The following GSG1 variants were observed in gnomAD, a reference collection of about 807,000 sequenced individuals.
GSG1 encodes the protein germ cell-specific gene 1 protein.
Under a neutral mutation model 30.8 loss-of-function variants are expected in GSG1, and 28 were observed. The ratio of observed to expected loss-of-function variants is 0.91; its 90% CI spans 0.67 to 1.25. The LOEUF is 1.25. Among genes scored for constraint, GSG1 ranks in the 50% most tolerant of loss-of-function variants. The pLI is 0.00. For synonymous variants in GSG1, 162 were observed against 178.0 expected, an observed-to-expected ratio of 0.91 and a Z score of 0.71; for missense variants, 435 against 444.7, an observed-to-expected ratio of 0.98 and a Z score of 0.20.
At chr12:13,087,125 A>C (rs1164724580) in intron 6 of GSG1, 27 bp downstream of exon 6, 2 of 1,506,314 alleles carry the variant, frequency 1.3e-6, no homozygotes, top group East Asian at 4.5e-5. Context: ...CTGGGGCTAC[A>C]AAGGTTCAGG....
rs951001300 is a variant in GSG1, at chr12:13,093,821, T to G, written c.49-3003A>C. Among the ~76,000 whole-genome samples, 1 of 152,216 alleles carries G rather than the reference T, an allele frequency of 6.6e-6. No individual in the cohort carries two copies. Among genetic ancestry groups the G allele is most frequent in the Non-Finnish European group, 1.5e-5 (1 of 68,038 alleles). On this transcript the variant is annotated intron_variant, in intron 1 of 6. Coordinates refer to ENST00000651961, the MANE Select transcript of GSG1 (RefSeq NM_001080555.4). The surrounding 1 kb of genome is among the most constrained non-coding windows in gnomAD (Gnocchi z 4.6). Reference sequence around the variant, plus strand: ...CTCTGGCAGGAGCCCCTACTCTCCATGTCATTTTCAGCCTAAGAGAAGAGG... The same window carrying G: ...CTCTGGCAGGAGCCCCTACTCTCCAGGTCATTTTCAGCCTAAGAGAAGAGG...
In GSG1 at chr12:13,098,456, A is replaced by ATTTTTTTTTTTT. The variant is rs771887535; in HGVS notation, c.48+4997_48+5008dup. ...CTTGTAGGATTGTTTCATGTAGCCC[A>ATTTTTTTTTTTT]TTTTTTTTTTTTTTTTTTTTTTTTT... On this transcript the variant is annotated intron_variant, in intron 1 of 6. Transcript: ENST00000651961. Among the ~76,000 whole-genome samples, 13 of 47,402 alleles carry ATTTTTTTTTTTT rather than the reference A, an allele frequency of 2.7e-4. 1 individual carries two copies. The highest frequency in any genetic ancestry group is 4.6e-4 in the Non-Finnish European group (12 of 26,096). The allele number at this position is 47,402 out of a possible 152,430, so 31.1% of individuals were successfully genotyped here.
intron 1 of GSG1, among the ~76,000 whole-genome samples, chr12:13,094,884 G>C (rs948844545): frequency 6.6e-6 from 1 of 151,938 alleles, no homozygotes; most frequent in Non-Finnish European, 1.5e-5. Flanking sequence ...ATATATATTT[G>C]CAAGTTATTC....
Position 13,103,476 on chromosome 12 carries a change from G to A in GSG1, c.37C>T (p.Leu13Phe). Residue 13 changes from leucine (L) to phenylalanine (F), a missense_variant, in exon 1 of 7, where the codon CTC (leucine) becomes TTC (phenylalanine). Leu to Phe is a conservative substitution (Grantham distance 22). Transcript: ENST00000651961. ...DPSQLTQNVC[L>F]TQEMELSKAF... ...ATCACTGTACCTACCTCCTGGGTGA[G>A]GCAAACATTTTGAGTCAGTTGAGAG... 1 of 1,613,610 alleles carries A rather than the reference G, an allele frequency of 6.2e-7. No homozygotes were observed. The highest frequency in any genetic ancestry group is 8.5e-7 in the Non-Finnish European group (1 of 1,179,562).
intron 1 of GSG1, among the ~76,000 whole-genome samples, chr12:13,102,104 C>T (rs1243251540): frequency 1.3e-5 from 2 of 152,142 alleles, no homozygotes; most frequent in African/African-American, 2.4e-5. Flanking sequence ...CTGAAAGGGA[C>T]GTGGCATCCC....
intron 1 of GSG1, among the ~76,000 whole-genome samples, 189 bp from the exon 2 acceptor site, chr12:13,091,007 T>G (rs1005975185): frequency 6.6e-6 from 1 of 152,184 alleles, no homozygotes; most frequent in African/African-American, 2.4e-5. Context: ...AGGAGTGGTC[T>G]GCAGCAAGCA....
chr12:13,089,014 C>A, intron 3 of GSG1, 105 bp from the exon 4 acceptor site: 1 of 1,425,290 alleles, frequency 7.0e-7, no homozygotes. Flanking sequence ...TCTGACAGCA[C>A]CTGCCCCGCA....
At chr12:13,095,792 G>T (rs374135710) in intron 1 of GSG1, 11 of 1,495,806 alleles carry the variant, frequency 7.4e-6, no homozygotes, top group Middle Eastern at 2.4e-4. Context: ...CAGGGAACAC[G>T]GGCATTTAAT....
At chr12:13,100,343 T>C (rs779859097) in intron 1 of GSG1, among the ~76,000 whole-genome samples, 4 of 152,240 alleles carry the variant, frequency 2.6e-5, no homozygotes, top group African/African-American at 4.8e-5. Flanking sequence ...AGGCACACCC[T>C]AAGCCTTTCC....
In GSG1 at chr12:13,087,190, G is replaced by C. The variant is rs1175599635; in HGVS notation, c.708C>G (p.Asp236Glu). Residue 236 changes from aspartate to glutamate, a missense_variant, in exon 6 of 7, where the codon GAC (aspartate) becomes GAG (glutamate). Asp to Glu is a conservative substitution (Grantham distance 45, BLOSUM62 2). Transcript: ENST00000651961. The stretch of plus-strand genomic sequence containing the variant: ...CATAATTCCAAACATGTGGTCTCCA[G>C]TCTTCTGGACCCAAGTTGACAGTCG... ...FQATVNLGPE[D>E]WRPHVWNYGW... The C allele has an allele frequency of 4.3e-6, 7 of 1,614,056 alleles. No homozygotes were observed. In the South Asian group the frequency reaches 7.7e-5, roughly 18 times the overall value.
chr12:13,084,487 G>A lies in GSG1; in HGVS notation c.*414C>T, dbSNP rs546377441. On this transcript the variant is annotated 3_prime_UTR_variant, in exon 7 of 7. Transcript: ENST00000651961. ...CCATCTGTGACTTCCAGAACAATTC[G>A]CGCGTACCATGGAAAGTTGAGCCAC... The A allele has an allele frequency of 3.6e-5, 6 of 165,748 alleles. No homozygotes were observed. The highest frequency in any genetic ancestry group is 1.6e-4 in the South Asian group (1 of 6,228). The allele number at this position is 165,748 out of a possible 1,614,324, so 10.3% of individuals were successfully genotyped here. A position where few individuals can be genotyped will look rare whatever the true frequency, so the allele number is the denominator to read the frequency against.
intron 2 of GSG1, 196 bp from the exon 3 acceptor site, chr12:13,089,472 G>A (rs1010773666): frequency 6.6e-6 from 5 of 759,872 alleles, no homozygotes; most frequent in Non-Finnish European, 1.0e-5. Context: ...GGGAAGAGGA[G>A]GTGTCTTCAG....
chr12:13,087,123 A>T, intron 6 of GSG1, 29 bp downstream of exon 6: 1 of 1,489,086 alleles, frequency 6.7e-7, no homozygotes, highest in Non-Finnish European at 9.4e-7. Flanking sequence ...GGCTGGGGCT[A>T]CAAAGGTTCA....
chr12:13,086,464 T>C (rs1355212788), intron 6 of GSG1, among the ~76,000 whole-genome samples: 1 of 152,212 alleles, frequency 6.6e-6, no homozygotes, highest in Non-Finnish European at 1.5e-5. Flanking sequence ...AGACAGTAAA[T>C]ATCAGTACAA....
At position 13,088,860 on chromosome 12, in the gene GSG1, A is replaced by T; in HGVS notation, c.481+2T>A. The stretch of plus-strand genomic sequence containing the variant: ...TGGCAAATTCCAGTAGTCCTTTCTC[A>T]CCTCTCTTGGCTGGTGGTGTAAGTT... On this transcript the variant is annotated splice_donor_variant, in intron 4 of 6. Coordinates refer to ENST00000651961, the MANE Select transcript of GSG1 (RefSeq NM_001080555.4). LOFTEE classifies it high-confidence loss of function. 1 of 1,613,688 alleles carries T rather than the reference A, an allele frequency of 6.2e-7. No homozygotes were observed. Among genetic ancestry groups the T allele is most frequent in the Admixed American group, 1.7e-5 (1 of 59,988 alleles).
Position 13,089,233 on chromosome 12 carries a change from C to T in GSG1, c.408G>A (p.Arg136=). The change falls in exon 3 of 7, where the codon CGG becomes CGA. Residue 136 remains arginine (R), a synonymous_variant. Transcript: ENST00000651961. ...CTTTTGCTGCCGCTGTACCACTGGA[C>T]CGAAGGGCTCTAAATTGTTTCCAGG... ...PQSWKQFRAL[R]SSGTAAAKGE... 6.4e-7 allele frequency: 1 copy of T among 1,558,894 alleles called. No homozygotes were observed. Among genetic ancestry groups the T allele is most frequent in the Non-Finnish European group, 8.7e-7 (1 of 1,150,874 alleles).
rs1308492154 is a variant in GSG1, at chr12:13,101,394, C to A, written c.48+2071G>T. On this transcript the variant is annotated intron_variant, in intron 1 of 6. Transcript: ENST00000651961. This position sits in a 1 kb window ranked among gnomAD's most constrained non-coding sequence, Gnocchi z 5.8. The stretch of plus-strand genomic sequence containing the variant: ...CCCCGCCCCGCGGCCGCCAACCACC[C>A]ATGGCTTCCTGACCGGGTCGGGCGG... 6.6e-6 allele frequency among the ~76,000 whole-genome samples: 1 copy of A among 152,254 alleles called. No homozygotes were observed. Among genetic ancestry groups the A allele is most frequent in the Non-Finnish European group, 1.5e-5 (1 of 68,040 alleles).
At chr12:13,089,680 T>C (rs557197994) in intron 2 of GSG1, among the ~76,000 whole-genome samples, 37 of 152,276 alleles carry the variant, frequency 2.4e-4, no homozygotes, top group South Asian at 6.2e-4. Context: ...AGAAAATACT[T>C]TGGGGCCAGG....
chr12:13,089,819 G>A (rs1338220590), intron 2 of GSG1, among the ~76,000 whole-genome samples: 1 of 152,208 alleles, frequency 6.6e-6, no homozygotes, highest in Non-Finnish European at 1.5e-5. Flanking sequence ...GGGAGGCCGA[G>A]GTGGGCAGAT....
Sources: gnomAD v4.1 joint callset for allele counts (sites outside exome capture counted in the v4.1 genomes callset) on GRCh38, gnomAD v4.1.1 for gene constraint, Gnocchi (gnomAD v3.1) non-coding constraint, MANE v1.5 for transcripts, NCBI Gene and HGNC (gene_info 2026-07-23, HGNC 2026-07-21) for gene names.